The following FBXW7 variants were observed in gnomAD, a reference collection of about 807,000 sequenced individuals.
FBXW7 encodes F-box and WD repeat domain containing 7, also known as F-box/WD repeat-containing protein 7.
FBXW7 carries 11 observed loss-of-function variants against 86.3 expected under a neutral mutation model. The observed-to-expected ratio is 0.13, with a 90% CI of 0.08 to 0.21. FBXW7 has a LOEUF of 0.21. Among genes scored for constraint, FBXW7 ranks in the 10% least tolerant of loss-of-function variants. The probability of loss-of-function intolerance (pLI) is 1.00; values close to 1 mark genes in which losing one functional copy is unlikely to be tolerated. For synonymous variants in FBXW7, 313 were observed against 297.9 expected (o/e 1.05, Z -0.52); for missense variants, 488 against 847.4 (o/e 0.58, Z 5.27).
At chr4:152,331,009 T>C in intron 8 of FBXW7, 141 bp from the exon 9 acceptor site, 2 of 742,706 alleles carry the variant, frequency 2.7e-6, no homozygotes, top group Non-Finnish European at 4.2e-6. Flanking sequence ...AAATTTCCAA[T>C]ACTGTTATCA....
intron 2 of FBXW7, among the ~76,000 whole-genome samples, chr4:152,504,038 A>G (rs192967767): frequency 2.6e-5 from 4 of 152,306 alleles, no homozygotes; most frequent in Non-Finnish European, 4.4e-5. Flanking sequence ...TCTAATGTCA[A>G]CTCTGATTTT....
Position 152,327,269 on chromosome 4 carries a change from G to C in FBXW7, c.1418+939C>G, listed in dbSNP as rs143889001. 1.4e-4 allele frequency among the ~76,000 whole-genome samples: 21 copies of C among 152,108 alleles called. 1 individual carries two copies. In the East Asian group the frequency reaches 4.1e-3, roughly 29 times the overall value. On this transcript the variant is annotated intron_variant, in intron 11 of 13. Transcript: ENST00000281708. ...GTATAGCACACTGTTCAAAGTAGAG[G>C]TAAATGACAATTGAAAAGGTACTCC... is the stretch of plus-strand genomic sequence containing the variant.
intron 2 of FBXW7, among the ~76,000 whole-genome samples, chr4:152,499,167 C>T (rs1746671449): frequency 6.6e-6 from 1 of 152,102 alleles, no homozygotes; most frequent in Non-Finnish European, 1.5e-5. Context: ...GAGCCTAGGA[C>T]AACAAGGCTC....
intron 13 of FBXW7, chr4:152,323,899 T>C (rs1161710412): frequency 6.7e-6 from 2 of 296,304 alleles, no homozygotes; most frequent in South Asian, 5.8e-5. Flanking sequence ...GTTGCTTCTA[T>C]GATATAGCCA....
chr4:152,356,330 C>T (rs550629782), intron 4 of FBXW7, among the ~76,000 whole-genome samples: 6 of 152,208 alleles, frequency 3.9e-5, no homozygotes, highest in African/African-American at 1.4e-4. Flanking sequence ...AAAGCTTAAA[C>T]ATATATTACA....
At chr4:152,341,517 T>C (rs945760107) in intron 6 of FBXW7, among the ~76,000 whole-genome samples, 2 of 152,362 alleles carry the variant, frequency 1.3e-5, no homozygotes, top group East Asian at 1.9e-4. Flanking sequence ...TTATTCACTA[T>C]TGCATACCAC....
intron 2 of FBXW7, among the ~76,000 whole-genome samples, chr4:152,430,189 A>G (rs949203441): frequency 3.9e-5 from 6 of 152,212 alleles, no homozygotes; most frequent in African/African-American, 1.4e-4. Context: ...GGCTGAGTTT[A>G]GTGGTAAAAT....
intron 2 of FBXW7, among the ~76,000 whole-genome samples, chr4:152,498,485 A>T (rs1421677951): frequency 1.3e-5 from 2 of 152,026 alleles, no homozygotes; most frequent in African/African-American, 4.8e-5. Context: ...ATTCTCAGCA[A>T]CTCTCATCAC....
intron 4 of FBXW7, among the ~76,000 whole-genome samples, chr4:152,398,735 G>T (rs1736647085): frequency 2.6e-5 from 4 of 151,694 alleles, no homozygotes. Context: ...TTAATTTATA[G>T]AAAATAGAGA....
chr4:152,373,327 A>T (rs544300673), intron 4 of FBXW7, among the ~76,000 whole-genome samples: 1 of 152,086 alleles, frequency 6.6e-6, no homozygotes, highest in South Asian at 2.1e-4. Context: ...TACATCCCAA[A>T]TCATACCTTA....
At chr4:152,442,602 C>T (rs77820654) in intron 2 of FBXW7, among the ~76,000 whole-genome samples, 2,453 of 152,254 alleles carry the variant, frequency 0.016, 77 homozygotes, top group African/African-American at 0.056. Context: ...AGCAGGCGAT[C>T]GTTAAATGCC....
chr4:152,353,018 C>G, intron 4 of FBXW7: 1 of 1,208,370 alleles, frequency 8.3e-7, no homozygotes, highest in Non-Finnish European at 1.0e-6. Flanking sequence ...CACACGACAG[C>G]CCCCTCTCCC....
At chr4:152,477,865 C>T (rs1407404919) in intron 2 of FBXW7, among the ~76,000 whole-genome samples, 1 of 151,926 alleles carries the variant, frequency 6.6e-6, no homozygotes, top group African/African-American at 2.4e-5. Flanking sequence ...ACAGAAAGGA[C>T]AATAAATAAC....
chr4:152,508,278 A>C (rs1463925270), intron 2 of FBXW7, among the ~76,000 whole-genome samples: 1 of 152,216 alleles, frequency 6.6e-6, no homozygotes, highest in East Asian at 1.9e-4. Context: ...CCATTCTGAT[A>C]TACATAAAAC....
chr4:152,344,532 A>G (rs1731071888), intron 6 of FBXW7, among the ~76,000 whole-genome samples: 1 of 149,590 alleles, frequency 6.7e-6, no homozygotes, highest in South Asian at 2.1e-4. Context: ...TATTGAATAC[A>G]GTTTTTTTTT....
intron 4 of FBXW7, among the ~76,000 whole-genome samples, chr4:152,398,353 T>C (rs964593527): frequency 1.3e-5 from 2 of 151,976 alleles, no homozygotes; most frequent in African/African-American, 4.8e-5. Context: ...AATAATACTT[T>C]ATAAAATTTT....
chr4:152,526,787 A>G (rs1749552077), intron 2 of FBXW7, among the ~76,000 whole-genome samples: 1 of 152,232 alleles, frequency 6.6e-6, no homozygotes, highest in Non-Finnish European at 1.5e-5. Context: ...TTTCTGGTCC[A>G]TGCACTACTG....
chr4:152,401,008 C>T (rs1224872130), intron 4 of FBXW7, among the ~76,000 whole-genome samples: 1 of 152,164 alleles, frequency 6.6e-6, no homozygotes, highest in Admixed American at 6.5e-5. Flanking sequence ...ACACACCTAT[C>T]AGAATGGTCA....
chr4:152,457,509 T>C (rs1229792546), intron 2 of FBXW7, among the ~76,000 whole-genome samples: 2 of 151,904 alleles, frequency 1.3e-5, no homozygotes, highest in Non-Finnish European at 2.9e-5. Context: ...CTGGGCGTGG[T>C]GGCAGGCGCC....
Sources: allele counts gnomAD v4.1 joint callset (sites outside exome capture counted in the v4.1 genomes callset), GRCh38; gene constraint gnomAD v4.1.1; transcripts MANE v1.5; gene names NCBI Gene and HGNC (gene_info 2026-07-23, HGNC 2026-07-21).